LEKR1: variants seen among roughly 807,000 people sequenced by gnomAD.
LEKR1 encodes protein LEKR1.
LEKR1 carries 59 observed loss-of-function variants against 72.4 expected under a neutral mutation model. The ratio of observed to expected loss-of-function variants is 0.82; its 90% CI spans 0.66 to 1.01. The LOEUF (loss-of-function observed/expected upper bound fraction) is 1.01. Among genes scored for constraint, LEKR1 ranks in the 50% least tolerant of loss-of-function variants. LEKR1 has a pLI of 0.00. For missense variants in LEKR1, 728 were observed against 759.2 expected (o/e 0.96, Z 0.48); for synonymous variants, 257 against 263.2 (o/e 0.98, Z 0.23).
intron 12 of LEKR1, among the ~76,000 whole-genome samples, chr3:157,038,584 G>T (rs1735125375): frequency 6.6e-6 from 1 of 152,126 alleles, no homozygotes; most frequent in Non-Finnish European, 1.5e-5. Context: ...CTGGGAAGAG[G>T]AGTAGAATCT....
Position 156,936,464 on chromosome 3 carries a change from CA to C in LEKR1, c.560-6064del, listed in dbSNP as rs1172770842. On this transcript the variant is annotated intron_variant, in intron 5 of 12. Transcript: ENST00000356539. ...ACACACACACACACACACACACACACACCCCCCGTATGCCTAGCAGAATAAG... is the reference window on the plus strand; with the variant it reads ...ACACACACACACACACACACACACACCCCCCCGTATGCCTAGCAGAATAAG... 1.2e-4 allele frequency among the ~76,000 whole-genome samples: 13 copies of C among 105,606 alleles called. No homozygotes were observed. In the South Asian group the frequency reaches 2.9e-3, roughly 23 times the overall value. 69.3% of individuals were successfully genotyped at this position (105,606 alleles called of 152,430 possible).
Position 156,886,894 on chromosome 3 carries a change from G to A in LEKR1, c.264-33681G>A, listed in dbSNP as rs185044918. Among the ~76,000 whole-genome samples the A allele has an allele frequency of 1.4e-3, 214 of 152,268 alleles. 2 individuals carry two copies. The highest frequency in any genetic ancestry group is 4.8e-3 in the African/African-American group (200 of 41,554). ...TTAATCATATAGTTAATCTAATTTAGAATCATTATATGTGTCTTCCTGGTA... is the reference window on the plus strand; with the variant it reads ...TTAATCATATAGTTAATCTAATTTAAAATCATTATATGTGTCTTCCTGGTA... On this transcript the variant is annotated intron_variant, in intron 3 of 12. Transcript: ENST00000356539.
intron 3 of LEKR1, among the ~76,000 whole-genome samples, chr3:156,912,925 T>C (rs1277181332): frequency 6.6e-6 from 1 of 152,220 alleles, no homozygotes; most frequent in Non-Finnish European, 1.5e-5. Context: ...TACCTCACAC[T>C]CTGAGGACTT....
intron 11 of LEKR1, among the ~76,000 whole-genome samples, chr3:157,026,204 G>A (rs1734175448): frequency 6.6e-6 from 1 of 151,870 alleles, no homozygotes; most frequent in African/African-American, 2.4e-5. Flanking sequence ...TTGCTTCCTG[G>A]CTCCTGATGC....
intron 2 of LEKR1, among the ~76,000 whole-genome samples, chr3:156,847,093 C>A (rs1714708575): frequency 6.6e-6 from 1 of 152,202 alleles, no homozygotes. Context: ...CAGGTGTAAG[C>A]TACCATGCTT....
intron 3 of LEKR1, among the ~76,000 whole-genome samples, chr3:156,906,007 C>A (rs1722492747): frequency 6.6e-6 from 1 of 152,136 alleles, no homozygotes; most frequent in African/African-American, 2.4e-5. Context: ...CACCTGTCAT[C>A]TTTGATTGCT....
chr3:156,939,122 A>G (rs1024803945), intron 5 of LEKR1, among the ~76,000 whole-genome samples: 22 of 152,304 alleles, frequency 1.4e-4, no homozygotes, highest in African/African-American at 4.6e-4. Flanking sequence ...AAATTCATAT[A>G]CTGAAATGTT....
chr3:157,024,785 G>A lies in LEKR1; in HGVS notation c.1229G>A (p.Arg410Lys). Residue 410 changes from arginine to lysine, a missense_variant, in exon 11 of 13, where the codon AGG (arginine) becomes AAG (lysine). By Grantham distance (26) the Arg-to-Lys change is conservative. Transcript: ENST00000356539. ...ATTGAAGCAGAACTTGCCAAGGAAA[G>A]GGCCCAACACTTGGTTGAATTTGAA... ...EKIEAELAKE[R>K]AQHLVEFEEQ... is the part of the protein sequence containing the mutation. 1 of 1,607,886 alleles carries A rather than the reference G, an allele frequency of 6.2e-7. No homozygotes were observed. Among genetic ancestry groups the A allele is most frequent in the Middle Eastern group, 1.7e-4 (1 of 6,036 alleles).
chr3:156,976,866 G>A (rs1729738342), intron 6 of LEKR1, among the ~76,000 whole-genome samples: 1 of 152,138 alleles, frequency 6.6e-6, no homozygotes. Flanking sequence ...TGGTAGTTGT[G>A]ACTATACATG....
At chr3:156,924,013 T>C (rs916535562) in intron 4 of LEKR1, among the ~76,000 whole-genome samples, 1 of 152,126 alleles carries the variant, frequency 6.6e-6, no homozygotes, top group African/African-American at 2.4e-5. Context: ...AGGCGTGAGC[T>C]ACCGCGCCCT....
At chr3:156,909,294 C>A (rs956961788) in intron 3 of LEKR1, among the ~76,000 whole-genome samples, 1 of 152,012 alleles carries the variant, frequency 6.6e-6, no homozygotes, top group African/African-American at 2.4e-5. Context: ...TTCCATTATC[C>A]TTTATTTCTA....
intron 8 of LEKR1, among the ~76,000 whole-genome samples, 153 bp from the exon 9 acceptor site, chr3:156,992,921 A>T (rs1304163602): frequency 6.6e-6 from 1 of 152,162 alleles, no homozygotes; most frequent in African/African-American, 2.4e-5. Flanking sequence ...GGAAAATATT[A>T]ACATTATAGA....
At chr3:156,831,125 G>A (rs1712330906) in intron 2 of LEKR1, among the ~76,000 whole-genome samples, 2 of 152,156 alleles carry the variant, frequency 1.3e-5, no homozygotes, top group African/African-American at 4.8e-5. Context: ...GCTAGGGTAT[G>A]GGAGCTGCTG....
intron 5 of LEKR1, among the ~76,000 whole-genome samples, chr3:156,937,071 G>A (rs916801309): frequency 1.3e-5 from 2 of 152,070 alleles, no homozygotes; most frequent in Non-Finnish European, 2.9e-5. Flanking sequence ...AATCCCAGGA[G>A]TTTGAGGCTG....
chr3:156,905,042 G>A (rs547902953), intron 3 of LEKR1, among the ~76,000 whole-genome samples: 1 of 152,172 alleles, frequency 6.6e-6, no homozygotes, highest in East Asian at 1.9e-4. Context: ...AGTCCAGTGC[G>A]GGTACTTTTT....
At chr3:156,861,858 A>G (rs572954970) in intron 3 of LEKR1, among the ~76,000 whole-genome samples, 3 of 152,166 alleles carry the variant, frequency 2.0e-5, no homozygotes, top group South Asian at 2.1e-4. Flanking sequence ...TCTTTTTATT[A>G]TCTTTTCATT....
intron 9 of LEKR1, among the ~76,000 whole-genome samples, chr3:157,005,150 T>C (rs542390747): frequency 6.6e-6 from 1 of 152,210 alleles, no homozygotes; most frequent in Non-Finnish European, 1.5e-5. Flanking sequence ...AGAAATATCA[T>C]GAACAGCTTT....
rs114828787 is a variant in LEKR1, at chr3:156,955,219, G to T, written c.745+12505G>T. ...ATTTATTTTGTATCCTGAGACTGCT[G>T]AAATTGCTTATCACCTTGAGAAGCT... On this transcript the variant is annotated intron_variant, in intron 6 of 12. Transcript: ENST00000356539. 4.3e-3 allele frequency among the ~76,000 whole-genome samples: 653 copies of T among 152,074 alleles called. 2 individuals are homozygous for T. Among genetic ancestry groups the T allele is most frequent in the Non-Finnish European group, 5.5e-3 (374 of 67,930 alleles).
chr3:157,020,678 T>C (rs1733760382), intron 10 of LEKR1, among the ~76,000 whole-genome samples: 1 of 151,876 alleles, frequency 6.6e-6, no homozygotes, highest in African/African-American at 2.4e-5. Flanking sequence ...CAGTCTATCA[T>C]TGTTGGACAT....
Sources: gnomAD v4.1 joint callset for allele counts (sites outside exome capture counted in the v4.1 genomes callset) on GRCh38, gnomAD v4.1.1 for gene constraint, MANE v1.5 for transcripts, NCBI Gene and HGNC (gene_info 2026-07-23, HGNC 2026-07-21) for gene names.